The following DNAAF4 variants were observed in gnomAD, a reference collection of about 807,000 sequenced individuals.
DNAAF4 encodes dynein axonemal assembly factor 4.
In DNAAF4, 43 loss-of-function variants were observed where a neutral mutation model predicts 51.8. The observed-to-expected ratio is 0.83, with a 90% CI of 0.65 to 1.07. The LOEUF (loss-of-function observed/expected upper bound fraction) is 1.07. Ranked by LOEUF, DNAAF4 falls within the 50% of genes least tolerant of loss-of-function variation. DNAAF4 has a pLI of 0.00. For synonymous variants in DNAAF4, 194 were observed against 165.6 expected (o/e 1.17, Z -1.32); for missense variants, 581 against 493.0 (o/e 1.18, Z -1.69).
intron 5 of DNAAF4, among the ~76,000 whole-genome samples, chr15:55,460,328 T>C (rs893998710): frequency 2.0e-5 from 3 of 151,744 alleles, no homozygotes; most frequent in Non-Finnish European, 2.9e-5. Context: ...TACAGGTGCG[T>C]GCCAGCACGC....
chr15:55,445,958 G>A (rs1436077456), intron 6 of DNAAF4, among the ~76,000 whole-genome samples: 10 of 145,622 alleles, frequency 6.9e-5, no homozygotes, highest in South Asian at 2.2e-4. Flanking sequence ...CCTCCCAGAC[G>A]GGGCGGCCGG....
At chr15:55,442,796 G>C (rs973262547) in intron 6 of DNAAF4, 3 of 1,608,984 alleles carry the variant, frequency 1.9e-6, no homozygotes, top group African/African-American at 2.7e-5. Context: ...AGAGGGATAG[G>C]TCTTTTACAA....
At chr15:55,451,513 G>C (rs1377224783) in intron 5 of DNAAF4, among the ~76,000 whole-genome samples, 2 of 151,946 alleles carry the variant, frequency 1.3e-5, no homozygotes, top group African/African-American at 4.8e-5. Context: ...CCAGAACACA[G>C]AGAAATAACA....
At chr15:55,464,886 C>A (rs1035457883) in intron 5 of DNAAF4, among the ~76,000 whole-genome samples, 1 of 152,104 alleles carries the variant, frequency 6.6e-6, no homozygotes, top group African/African-American at 2.4e-5. Context: ...ACCTGGGAGG[C>A]AGAGGTTGTG....
At position 55,498,517 on chromosome 15, in the gene DNAAF4, G is replaced by A. The variant is rs986632257; in HGVS notation, c.-188C>T. The A allele has an allele frequency of 1.6e-4, 90 of 580,560 alleles. No homozygotes were observed. The highest frequency in any genetic ancestry group is 1.4e-3 in the South Asian group (65 of 45,934). 36.0% of individuals were successfully genotyped at this position (580,560 alleles called of 1,614,324 possible). A position where few individuals can be genotyped will look rare whatever the true frequency, so the allele number is the denominator to read the frequency against. ...TGACTATCCAGGCGCCCAGACCAGA[G>A]AGTGATGCCGATTCTTGGGGTTACC... On this transcript the variant is annotated 5_prime_UTR_variant, in exon 2 of 10. Transcript: ENST00000321149.
At chr15:55,436,297 G>A (rs2057609532) in intron 7 of DNAAF4, among the ~76,000 whole-genome samples, 1 of 152,140 alleles carries the variant, frequency 6.6e-6, no homozygotes, top group Non-Finnish European at 1.5e-5. Context: ...GGTTAGTGAT[G>A]TTAAACATCT....
chr15:55,435,124 T>G, intron 7 of DNAAF4, 66 bp from the exon 8 acceptor site: 10 of 1,494,814 alleles, frequency 6.7e-6, no homozygotes, highest in South Asian at 1.3e-5. Context: ...AAATAATATC[T>G]AATTGTATTT....
In DNAAF4 at chr15:55,439,371, A is replaced by C. The variant is rs932268191; in HGVS notation, c.893+101T>G. ...GTTATCATCCCACCTCGGCCTCCCA[A>C]AGGGCTGGGATTACAGGCATGAGCC... On this transcript the variant is annotated intron_variant, in intron 7 of 9. Transcript: ENST00000321149. 1.3e-4 allele frequency: 127 copies of C among 1,000,860 alleles called. 1 individual carries two copies. The South Asian group carries it at 1.8e-3, about 15-fold the overall frequency. 62.0% of individuals were successfully genotyped at this position (1,000,860 alleles called of 1,614,324 possible).
rs185979266 is a variant in DNAAF4 at position 55,489,412 on chromosome 15, G to T, written c.405+1711C>A. 7.2e-5 allele frequency among the ~76,000 whole-genome samples: 11 copies of T among 152,278 alleles called. No individual in the cohort carries two copies. In the South Asian group the frequency reaches 2.1e-3, roughly 29 times the overall value. On this transcript the variant is annotated intron_variant, in intron 4 of 9. Transcript: ENST00000321149. The stretch of plus-strand genomic sequence containing the variant: ...TATATGGCTCAGTGCGGTGACTCAT[G>T]CCTGTAATCCCAACACTTTGGGAGG...
intron 1 of DNAAF4, 53 bp from the exon 2 acceptor site, chr15:55,498,637 A>C (rs3888227): frequency 1.3e-5 from 3 of 233,142 alleles, no homozygotes; most frequent in African/African-American, 7.4e-5. Context: ...CGGGCGCGCT[A>C]GCTCACGCCT....
chr15:55,423,707 C>T (rs1041868344), intron 7 of DNAAF4, among the ~76,000 whole-genome samples: 1 of 152,118 alleles, frequency 6.6e-6, no homozygotes, highest in Non-Finnish European at 1.5e-5. Context: ...AATCTCAGCA[C>T]TTTGGGAGGC....
chr15:55,466,654 A>T (rs2058174499), intron 5 of DNAAF4, among the ~76,000 whole-genome samples: 1 of 151,732 alleles, frequency 6.6e-6, no homozygotes, highest in Admixed American at 6.5e-5. Flanking sequence ...TTAAGCACTT[A>T]TTTAACAACA....
intron 4 of DNAAF4, among the ~76,000 whole-genome samples, chr15:55,483,342 C>T (rs182725811): frequency 9.3e-4 from 142 of 151,882 alleles, no homozygotes; most frequent in Non-Finnish European, 1.7e-3. Flanking sequence ...TGATCCGCCC[C>T]CCTCAGCCTC....
intron 1 of DNAAF4, among the ~76,000 whole-genome samples, chr15:55,504,982 G>A (rs1359268649): frequency 6.6e-6 from 1 of 152,076 alleles, no homozygotes; most frequent in Non-Finnish European, 1.5e-5. Flanking sequence ...GAGTGAACAG[G>A]CAACCTACAG....
chr15:55,496,815 G>C (rs1382370487), intron 3 of DNAAF4, among the ~76,000 whole-genome samples: 2 of 151,658 alleles, frequency 1.3e-5, no homozygotes, highest in Non-Finnish European at 2.9e-5. Context: ...CTTTCATATA[G>C]CGATCATTTT....
At chr15:55,457,102 G>A (rs1342195779) in intron 5 of DNAAF4, among the ~76,000 whole-genome samples, 1 of 152,184 alleles carries the variant, frequency 6.6e-6, no homozygotes. Flanking sequence ...GGGCAGGCAG[G>A]GACTGGTGAG....
intron 6 of DNAAF4, among the ~76,000 whole-genome samples, chr15:55,446,881 T>TC (rs2057834823): frequency 9.5e-6 from 1 of 105,310 alleles, no homozygotes; most frequent in African/African-American, 3.8e-5. Flanking sequence ...ACGGGCCGGC[T>TC]GGGCAGAGGT....
At chr15:55,424,243 G>C (rs535744520) in intron 7 of DNAAF4, among the ~76,000 whole-genome samples, 2 of 152,274 alleles carry the variant, frequency 1.3e-5, no homozygotes, top group East Asian at 1.9e-4. Context: ...CTTGCATGCT[G>C]TCTTACTATG....
chr15:55,504,411 G>A (rs1437880697), intron 1 of DNAAF4, among the ~76,000 whole-genome samples: 2 of 152,130 alleles, frequency 1.3e-5, no homozygotes, highest in Non-Finnish European at 2.9e-5. Flanking sequence ...CACAGAATTG[G>A]AAAAAACTAC....
Sources: allele counts gnomAD v4.1 joint callset (sites outside exome capture counted in the v4.1 genomes callset), GRCh38; gene constraint gnomAD v4.1.1; transcripts MANE v1.5; gene names NCBI Gene and HGNC (gene_info 2026-07-23, HGNC 2026-07-21).